The following IPO13 variants were observed in gnomAD, a reference collection of about 807,000 sequenced individuals.
IPO13 encodes the protein importin-13.
A neutral mutation model predicts 115.5 loss-of-function variants in IPO13; 28 were observed. The observed-to-expected ratio is 0.24, with a 90% CI of 0.18 to 0.33. The LOEUF (loss-of-function observed/expected upper bound fraction) is 0.33. Among genes scored for constraint, IPO13 ranks in the 10% least tolerant of loss-of-function variants. IPO13 has a pLI of 1.00. For missense variants in IPO13, 785 were observed against 1,204.6 expected (o/e 0.65, Z 5.16); for synonymous variants, 414 against 478.9 (o/e 0.86, Z 1.77).
At position 43,949,726 on chromosome 1, in the gene IPO13, C is replaced by G; in HGVS notation, c.394C>G (p.Leu132Val). The G allele has an allele frequency of 1.2e-6, 2 of 1,614,196 alleles. No homozygotes were observed. The highest frequency in any genetic ancestry group is 1.1e-5 in the South Asian group (1 of 91,086). The change falls in exon 2 of 20, where the codon CTC becomes GTC. Residue 132 changes from leucine (L) to valine (V), a missense_variant. This residue lies in a region of IPO13 where 325 missense variants were observed against 449.8 expected (regional missense o/e 0.72). Transcript: ENST00000372343. ...GTGCGTGGCACTGGCCTCACTGGCT[C>G]TCAGCATGATGCCTGACGCTTGGCC... ...RLCVALASLA[L>V]SMMPDAWPCA...
Position 43,960,249 on chromosome 1 carries a change from G to C in IPO13, c.2029G>C (p.Val677Leu). 1.9e-6 allele frequency: 3 copies of C among 1,613,504 alleles called. No individual in the cohort carries two copies. Among genetic ancestry groups the C allele is most frequent in the Non-Finnish European group, 1.7e-6 (2 of 1,179,434 alleles). ...KLPVPQGPNPVVVVLQQVFQL... is the reference protein window; with the variant it reads ...KLPVPQGPNPLVVVLQQVFQL... ...GCCTCACTTCTTCCTGTGCCTTCAG[G>C]TGGTGGTGGTGCTGCAGCAGGTCTT... The change falls in exon 12 of 20, where the codon GTG becomes CTG. Residue 677 changes from valine (V) to leucine (L), a missense_variant and splice_region_variant. Physicochemically the swap from Val to Leu is conservative, Grantham distance 32 (BLOSUM62 1). Transcript: ENST00000372343.
Position 43,946,966 on chromosome 1 carries a change from A to T in IPO13, c.-635A>T, listed in dbSNP as rs1313059621. ...GCCGGCCTGGCTTGTCTTGTCAGTC[A>T]CTGGGGCGGAGGCAGCGGCTGTAGC... On this transcript the variant is annotated 5_prime_UTR_variant, in exon 1 of 20. Coordinates refer to ENST00000372343, the MANE Select transcript of IPO13 (RefSeq NM_014652.4). The T allele has an allele frequency of 2.5e-6, 1 of 397,804 alleles. No individual in the cohort carries two copies. Among genetic ancestry groups the T allele is most frequent in the Non-Finnish European group, 4.4e-6 (1 of 225,720 alleles). The allele number at this position is 397,804 out of a possible 1,614,324, so 24.6% of individuals were successfully genotyped here.
At position 43,952,713 on chromosome 1, in the gene IPO13, A is replaced by C. The variant is rs538309311; in HGVS notation, c.821+2560A>C. 4.6e-5 allele frequency among the ~76,000 whole-genome samples: 7 copies of C among 152,224 alleles called. No homozygotes were observed. The highest frequency in any genetic ancestry group is 1.0e-4 in the Non-Finnish European group (7 of 68,046). Reference sequence around the variant, plus strand: ...TAATGTGCTTAATCACTGCCTTTTGAAACTTTAAATAAAATATTGGGTTGA... The same window carrying C: ...TAATGTGCTTAATCACTGCCTTTTGCAACTTTAAATAAAATATTGGGTTGA... On this transcript the variant is annotated intron_variant, in intron 2 of 19. Transcript: ENST00000372343. This position sits in a 1 kb window ranked among gnomAD's most constrained non-coding sequence, Gnocchi z 4.7.
chr1:43,967,473 T>C lies in IPO13; in HGVS notation c.2772T>C (p.Asp924=), dbSNP rs2085333898. 1 of 1,614,146 alleles carries C rather than the reference T, an allele frequency of 6.2e-7. No homozygotes were observed. The highest frequency in any genetic ancestry group is 2.2e-5 in the East Asian group (1 of 44,884). The change falls in exon 19 of 20, where the codon GAT becomes GAC. Residue 924 remains aspartate, a synonymous_variant. Coordinates refer to ENST00000372343, the MANE Select transcript of IPO13 (RefSeq NM_014652.4). This position sits in a 1 kb window ranked among gnomAD's most constrained non-coding sequence, Gnocchi z 6.1. Reference sequence around the variant, plus strand: ...CCCGCCTCAGCCCTGAACAGAAGGATACCTTCAGCCAGCAGATCCTTCGGT... The same window carrying C: ...CCCGCCTCAGCCCTGAACAGAAGGACACCTTCAGCCAGCAGATCCTTCGGT... ...PSARLSPEQK[D]TFSQQILRER... is the part of the protein sequence containing the mutation.
Position 43,965,507 on chromosome 1 carries a change from A to G in IPO13, c.2398-1068A>G, listed in dbSNP as rs35953281. ...TGTGTGTGGGTGTTTTCAAAGGTGT[A>G]TCTTTGATGCGGAGGGTGTCTGAAT... is the stretch of plus-strand genomic sequence containing the variant. On this transcript the variant is annotated intron_variant, in intron 15 of 19. Coordinates refer to ENST00000372343, the MANE Select transcript of IPO13 (RefSeq NM_014652.4). Among the ~76,000 whole-genome samples, 376 of 152,020 alleles carry G rather than the reference A, an allele frequency of 2.5e-3. 1 individual carries two copies. Among genetic ancestry groups the G allele is most frequent in the South Asian group, 0.014 (65 of 4,796 alleles).
In IPO13 at chr1:43,956,190, C is replaced by CT. The variant is rs1571765832; in HGVS notation, c.822-123dup. On this transcript the variant is annotated intron_variant, in intron 2 of 19. Transcript: ENST00000372343. This position sits in a 1 kb window ranked among gnomAD's most constrained non-coding sequence, Gnocchi z 4.7. ...CAAATCTGCCATGTAGACCCTGACC[C>CT]TTTTTTTGCTTAGGATTTGATAAGG... 3 of 1,064,458 alleles carry CT rather than the reference C, an allele frequency of 2.8e-6. No individual in the cohort carries two copies. Among genetic ancestry groups the CT allele is most frequent in the Non-Finnish European group, 4.0e-6 (3 of 745,940 alleles). The allele number at this position is 1,064,458 out of a possible 1,614,324, so 65.9% of individuals were successfully genotyped here.
intron 2 of IPO13, among the ~76,000 whole-genome samples, chr1:43,954,773 G>A (rs566681687): frequency 6.6e-6 from 1 of 152,186 alleles, no homozygotes; most frequent in Admixed American, 6.5e-5. Context: ...TTCTCCTTGG[G>A]CAATTCTCAT....
chr1:43,956,965 C>T lies in IPO13; in HGVS notation c.1260C>T (p.Phe420=), dbSNP rs996734578. 1 of 1,613,906 alleles carries T rather than the reference C, an allele frequency of 6.2e-7. No homozygotes were observed. The highest frequency in any genetic ancestry group is 8.5e-7 in the Non-Finnish European group (1 of 1,179,990). Residue 420 remains phenylalanine (F), a synonymous_variant, in exon 5 of 20, where the codon TTC becomes TTT. Transcript: ENST00000372343. This position sits in a 1 kb window ranked among gnomAD's most constrained non-coding sequence, Gnocchi z 4.7. ...GGTCCTCAGACGAGAAGGAGCAGTTCCGAATTTACAGGTGATGGTAGCAGG... is the reference window on the plus strand; with the variant it reads ...GGTCCTCAGACGAGAAGGAGCAGTTTCGAATTTACAGGTGATGGTAGCAGG... ...GFWSSDEKEQ[F]RIYRVDISDT... is the part of the protein sequence containing the mutation.
In IPO13 at chr1:43,958,093, A is replaced by C; in HGVS notation, c.1657A>C (p.Lys553Gln). The C allele has an allele frequency of 6.2e-7, 1 of 1,614,058 alleles. No homozygotes were observed. Among genetic ancestry groups the C allele is most frequent in the East Asian group, 2.2e-5 (1 of 44,872 alleles). The change falls in exon 8 of 20, where the codon AAG becomes CAG. Residue 553 changes from lysine to glutamine, a missense_variant. Physicochemically the swap from Lys to Gln is moderately conservative, Grantham distance 53. Transcript: ENST00000372343. The surrounding 1 kb of genome is among the most constrained non-coding windows in gnomAD (Gnocchi z 6.3). Reference sequence around the variant, plus strand: ...TGTCTCTTCTGTGTCCACCCTCAAGAAGATCTGCCGAGAGTGCAAGTATGA... The same window carrying C: ...TGTCTCTTCTGTGTCCACCCTCAAGCAGATCTGCCGAGAGTGCAAGTATGA... Reference protein sequence around the residue: ...LSVSSVSTLKKICRECKYDLP... With the variant: ...LSVSSVSTLKQICRECKYDLP...
At chr1:43,957,581 C>A in intron 7 of IPO13, 32 bp downstream of exon 7, 1 of 1,611,448 alleles carries the variant, frequency 6.2e-7, no homozygotes, top group South Asian at 1.1e-5. Flanking sequence ...TGACCATATT[C>A]CCAGAGCCAC....
rs2085176042 is a variant in IPO13, at chr1:43,947,572, C to G, written c.-29C>G. The G allele has an allele frequency of 1.6e-6, 2 of 1,240,738 alleles. No individual in the cohort carries two copies. The highest frequency in any genetic ancestry group is 4.1e-5 in the Admixed American group (1 of 24,380). 76.9% of individuals were successfully genotyped at this position (1,240,738 alleles called of 1,614,324 possible). A position where few individuals can be genotyped will look rare whatever the true frequency, so the allele number is the denominator to read the frequency against. On this transcript the variant is annotated 5_prime_UTR_variant, in exon 1 of 20. Transcript: ENST00000372343. ...GGCTGGGGCAGGAGACAGATCAGGG[C>G]CCACCTCCCTGCCAGGGAGGGAGCA...
rs528559580 is a variant in IPO13 at position 43,962,804 on chromosome 1, C to T, written c.2345-1465C>T. Among the ~76,000 whole-genome samples the T allele has an allele frequency of 1.9e-3, 292 of 152,354 alleles. 1 individual carries two copies. Among genetic ancestry groups the T allele is most frequent in the African/African-American group, 6.8e-3 (281 of 41,574 alleles). Reference sequence around the variant, plus strand: ...TACACACTGCTGACACAGCACTGATCACACACAATAATCAGCTTTCATGTC... The same window carrying T: ...TACACACTGCTGACACAGCACTGATTACACACAATAATCAGCTTTCATGTC... On this transcript the variant is annotated intron_variant, in intron 14 of 19. Coordinates refer to ENST00000372343, the MANE Select transcript of IPO13 (RefSeq NM_014652.4).
chr1:43,953,049 G>A (rs1018002659), intron 2 of IPO13, among the ~76,000 whole-genome samples: 2 of 152,190 alleles, frequency 1.3e-5, no homozygotes, highest in African/African-American at 2.4e-5. Context: ...AAGTTTACCC[G>A]CCCAGCCAGT....
chr1:43,961,100 C>T, intron 13 of IPO13, 66 bp from the exon 14 acceptor site: 1 of 1,607,354 alleles, frequency 6.2e-7, no homozygotes, highest in Admixed American at 1.7e-5. Context: ...ACTTGCATTC[C>T]AGGGATATTG....
Position 43,956,860 on chromosome 1 carries a change from G to A in IPO13, c.1155G>A (p.Val385=). 2 of 1,614,222 alleles carry A rather than the reference G, an allele frequency of 1.2e-6. No individual in the cohort carries two copies. The highest frequency in any genetic ancestry group is 4.5e-5 in the East Asian group (2 of 44,886). Residue 385 remains valine, a synonymous_variant, in exon 5 of 20, where the codon GTG becomes GTA. Coordinates refer to ENST00000372343, the MANE Select transcript of IPO13 (RefSeq NM_014652.4). The surrounding 1 kb of genome is among the most constrained non-coding windows in gnomAD (Gnocchi z 4.7). The stretch of plus-strand genomic sequence containing the variant: ...AGAAGCAGGCTGTATACCAGCAGGT[G>A]TACCGGCCAGTCTACTTCCAGCTGG... ...EAEKQAVYQQ[V]YRPVYFQLVD...
chr1:43,954,147 A>G (rs1023139721), intron 2 of IPO13, among the ~76,000 whole-genome samples: 1 of 152,180 alleles, frequency 6.6e-6, no homozygotes, highest in Non-Finnish European at 1.5e-5. Context: ...TCCTGCACCC[A>G]TCTCAGCTGC....
Position 43,947,546 on chromosome 1 carries a change from G to A in IPO13, c.-55G>A. ...GTCTAGCAGGGGGCCAGCAGCCAAG[G>A]GGCTGGGGCAGGAGACAGATCAGGG... On this transcript the variant is annotated 5_prime_UTR_variant, in exon 1 of 20. Transcript: ENST00000372343. 1 of 1,053,460 alleles carries A rather than the reference G, an allele frequency of 9.5e-7. No individual in the cohort carries two copies. Among genetic ancestry groups the A allele is most frequent in the Non-Finnish European group, 1.2e-6 (1 of 810,908 alleles). 65.3% of individuals were successfully genotyped at this position (1,053,460 alleles called of 1,614,324 possible).
chr1:43,950,614 A>G (rs1368720611), intron 2 of IPO13, among the ~76,000 whole-genome samples: 1 of 150,374 alleles, frequency 6.7e-6, no homozygotes, highest in Non-Finnish European at 1.5e-5. Flanking sequence ...GTGGCTTCTC[A>G]ATGCTCTTAG....
chr1:43,966,258 G>A lies in IPO13; in HGVS notation c.2398-317G>A, dbSNP rs755503944. On this transcript the variant is annotated intron_variant, in intron 15 of 19. Transcript: ENST00000372343. This position sits in a 1 kb window ranked among gnomAD's most constrained non-coding sequence, Gnocchi z 4.1. ...TCACTGCTGGCAACCTAGAGCCTGC[G>A]AGACATCTGGCCCTGATGGAGGGGG... 61 of 472,242 alleles carry A rather than the reference G, an allele frequency of 1.3e-4. No homozygotes were observed. The highest frequency in any genetic ancestry group is 2.2e-4 in the African/African-American group (11 of 50,998). 29.3% of individuals were successfully genotyped at this position (472,242 alleles called of 1,614,324 possible). A position where few individuals can be genotyped will look rare whatever the true frequency, so the allele number is the denominator to read the frequency against.
Sources: allele counts gnomAD v4.1 joint callset (sites outside exome capture counted in the v4.1 genomes callset), GRCh38; gene constraint gnomAD v4.1.1; regional missense constraint gnomAD v4.1.1; non-coding constraint Gnocchi (gnomAD v3.1); transcripts MANE v1.5; gene names NCBI Gene and HGNC (gene_info 2026-07-23, HGNC 2026-07-21).